The following CFAP161 variants were observed in gnomAD, a reference collection of about 807,000 sequenced individuals.
The protein encoded by CFAP161 is cilia and flagella associated protein 161, also known as cilia- and flagella-associated protein 161.
A neutral mutation model predicts 29.0 loss-of-function variants in CFAP161; 25 were observed. That is an observed-to-expected ratio of 0.86 (90% CI 0.63 to 1.20). CFAP161 has a LOEUF of 1.20. Among genes scored for constraint, CFAP161 ranks in the 50% most tolerant of loss-of-function variants. The pLI is 0.00. For missense variants in CFAP161, 367 were observed against 371.9 expected, an observed-to-expected ratio of 0.99 and a Z score of 0.11; for synonymous variants, 116 against 137.4, an observed-to-expected ratio of 0.84 and a Z score of 1.09.
At chr15:81,131,394 G>A (rs1226964862), upstream of CFAP161, among the ~76,000 whole-genome samples, 1 of 152,046 alleles carries the variant, frequency 6.6e-6, no homozygotes, top group African/African-American at 2.4e-5. Flanking sequence ...TTATAAATAT[G>A]TTCAAAAAAC....
chr15:81,141,915 C>G (rs1894916773), intron 4 of CFAP161, among the ~76,000 whole-genome samples: 1 of 152,112 alleles, frequency 6.6e-6, no homozygotes, highest in Admixed American at 6.5e-5. Context: ...AACTCCTGAC[C>G]TCAAGTGATC....
At chr15:81,127,251 C>A (rs544673916) in intron 1 of CFAP161, among the ~76,000 whole-genome samples, 1 of 152,214 alleles carries the variant, frequency 6.6e-6, no homozygotes, top group Non-Finnish European at 1.5e-5. Flanking sequence ...AGCCATCCTG[C>A]ACCCACCATC....
At chr15:81,118,969 G>A (rs1449083909) in intron 1 of CFAP161, among the ~76,000 whole-genome samples, 1 of 152,174 alleles carries the variant, frequency 6.6e-6, no homozygotes, top group Non-Finnish European at 1.5e-5. Context: ...TTAAATAAGA[G>A]TCGTCAGAAC....
chr15:81,141,873 CAG>C (rs1894916008), intron 4 of CFAP161, among the ~76,000 whole-genome samples: 1 of 152,038 alleles, frequency 6.6e-6, no homozygotes, highest in African/African-American at 2.4e-5. Context: ...TTAGTAGAGA[CAG>C]GGTTTCACCA....
intron 4 of CFAP161, among the ~76,000 whole-genome samples, chr15:81,140,742 T>A (rs897553892): frequency 1.7e-4 from 26 of 151,878 alleles, no homozygotes; most frequent in Middle Eastern, 3.4e-3. Context: ...AAAATTTATT[T>A]ATTATTTATT....
intron 1 of CFAP161, among the ~76,000 whole-genome samples, chr15:81,109,321 A>G (rs2141862365): frequency 6.6e-6 from 1 of 152,300 alleles, no homozygotes; most frequent in East Asian, 1.9e-4. Flanking sequence ...CATACTGGCA[A>G]AGCCATATTT....
chr15:81,110,607 C>G (rs533146893), intron 1 of CFAP161, among the ~76,000 whole-genome samples: 1 of 152,100 alleles, frequency 6.6e-6, no homozygotes, highest in Non-Finnish European at 1.5e-5. Context: ...CCCATACCCA[C>G]CAGAGTGTTA....
At chr15:81,111,625 C>A (rs1894441380) in intron 1 of CFAP161, among the ~76,000 whole-genome samples, 1 of 152,204 alleles carries the variant, frequency 6.6e-6, no homozygotes, top group Non-Finnish European at 1.5e-5. Context: ...ACCACCAACT[C>A]TTGCCTCGAT....
intron 1 of CFAP161, among the ~76,000 whole-genome samples, chr15:81,122,902 A>G (rs1306811027): frequency 6.6e-6 from 1 of 151,882 alleles, no homozygotes; most frequent in African/African-American, 2.4e-5. Flanking sequence ...TTTTCTTGTA[A>G]GTTCTCGATT....
At chr15:81,113,873 T>C (rs2141864516) in intron 1 of CFAP161, among the ~76,000 whole-genome samples, 1 of 152,306 alleles carries the variant, frequency 6.6e-6, no homozygotes, top group Admixed American at 6.5e-5. Flanking sequence ...TGGTGGCCAG[T>C]CCCATCACGA....
chr15:81,114,813 A>G (rs62037403), intron 1 of CFAP161, among the ~76,000 whole-genome samples: 25,035 of 151,942 alleles, frequency 0.16, 2,794 homozygotes, highest in African/African-American at 0.31. Context: ...GCAGGCACCC[A>G]CCACCACGCC....
upstream of CFAP161, among the ~76,000 whole-genome samples, chr15:81,131,136 T>TAAAAAAAAAAAAAAAAAAAAAAAAAAA (rs34706078): frequency 7.6e-6 from 1 of 130,920 alleles, no homozygotes. Context: ...CTTCAATTTG[T>TAAAAAAAAAAAAAAAAAAAAAAAAAAA]AAAAAAAAAA....
At chr15:81,128,577 C>T (rs1605864) in intron 2 of CFAP161, among the ~76,000 whole-genome samples, 12,566 of 152,144 alleles carry the variant, frequency 0.083, 735 homozygotes, top group East Asian at 0.18. Flanking sequence ...TTGTTATATC[C>T]GTGACATCTG....
At chr15:81,146,225 C>T (rs141826627) in intron 5 of CFAP161, among the ~76,000 whole-genome samples, 10 of 152,286 alleles carry the variant, frequency 6.6e-5, no homozygotes, top group African/African-American at 2.4e-4. Flanking sequence ...GCCAGGCCAA[C>T]CCCTGGATGG....
upstream of CFAP161, among the ~76,000 whole-genome samples, chr15:81,133,544 G>C (rs897177499): frequency 2.6e-5 from 4 of 151,918 alleles, no homozygotes; most frequent in Admixed American, 6.6e-5. Context: ...TCAAGCCTCC[G>C]GTAGTCCTAC....
chr15:81,101,796 C>A (rs112923919), intron 1 of CFAP161, among the ~76,000 whole-genome samples: 2 of 152,274 alleles, frequency 1.3e-5, no homozygotes, highest in African/African-American at 4.8e-5. Flanking sequence ...GTCAGTGTCT[C>A]TACTTGCTGT....
intron 3 of CFAP161, among the ~76,000 whole-genome samples, chr15:81,137,581 AAAG>A (rs1894834001): frequency 6.6e-6 from 1 of 152,184 alleles, no homozygotes; most frequent in Non-Finnish European, 1.5e-5. Flanking sequence ...GGGGGAAAAA[AAAG>A]AATATATAGA....
At chr15:81,130,770 A>T (rs1402416841), upstream of CFAP161, among the ~76,000 whole-genome samples, 1 of 152,166 alleles carries the variant, frequency 6.6e-6, no homozygotes, top group East Asian at 1.9e-4. Flanking sequence ...TTGAACACTT[A>T]GTGGCCATTT....
intron 2 of CFAP161, among the ~76,000 whole-genome samples, chr15:81,128,922 C>T (rs996983580): frequency 4.6e-5 from 7 of 150,678 alleles, no homozygotes; most frequent in African/African-American, 1.7e-4. Flanking sequence ...CCACTGCACT[C>T]CAGCCTGGAC....
Sources: allele counts gnomAD v4.1 joint callset (sites outside exome capture counted in the v4.1 genomes callset), GRCh38; gene constraint gnomAD v4.1.1; transcripts MANE v1.5; gene names NCBI Gene and HGNC (gene_info 2026-07-23, HGNC 2026-07-21).